NKAIN2: variants seen among roughly 807,000 people sequenced by gnomAD.
The protein encoded by NKAIN2 is sodium/potassium-transporting ATPase subunit beta-1-interacting protein 2.
A neutral mutation model predicts 32.6 loss-of-function variants in NKAIN2; 14 were observed. That is an observed-to-expected ratio of 0.43 (90% CI 0.28 to 0.67). The LOEUF is 0.67. Ranked by LOEUF, NKAIN2 falls within the 30% of genes least tolerant of loss-of-function variation. NKAIN2 has a pLI of 0.17. For synonymous variants in NKAIN2, 80 were observed against 87.2 expected (o/e 0.92, Z 0.46); for missense variants, 198 against 258.3 (o/e 0.77, Z 1.60).
intron 1 of NKAIN2, among the ~76,000 whole-genome samples, chr6:124,076,459 C>G (rs1783700493): frequency 6.6e-6 from 1 of 152,084 alleles, no homozygotes; most frequent in African/African-American, 2.4e-5. Context: ...TTGAAGGTCT[C>G]TATTTTGCTA....
intron 1 of NKAIN2, among the ~76,000 whole-genome samples, chr6:124,236,730 A>C (rs75385606): frequency 2.6e-5 from 4 of 152,048 alleles, no homozygotes; most frequent in Admixed American, 1.3e-4. Flanking sequence ...ATAAAAGGCA[A>C]CTCGGATGGT....
At chr6:124,479,741 C>T (rs959317432) in intron 3 of NKAIN2, among the ~76,000 whole-genome samples, 1 of 151,502 alleles carries the variant, frequency 6.6e-6, no homozygotes, top group Non-Finnish European at 1.5e-5. Context: ...TCGCATACAA[C>T]TTGGGAGCTT....
intron 3 of NKAIN2, among the ~76,000 whole-genome samples, chr6:124,595,708 C>T (rs1211884679): frequency 6.6e-6 from 1 of 152,088 alleles, no homozygotes. Context: ...TAAAACTGAC[C>T]CTCTTTTTGG....
Position 123,907,619 on chromosome 6 carries a change from A to G in NKAIN2, c.54+103365A>G, listed in dbSNP as rs569048496. On this transcript the variant is annotated intron_variant, in intron 1 of 6. Transcript: ENST00000368417. The stretch of plus-strand genomic sequence containing the variant: ...AATTTTAAGTTGTACCATTACTTAT[A>G]TATCACTAAGAAATAAGAAAGACTT... Among the ~76,000 whole-genome samples, 49 of 152,296 alleles carry G rather than the reference A, an allele frequency of 3.2e-4. 1 individual carries two copies. Among genetic ancestry groups the G allele is most frequent in the South Asian group, 8.3e-4 (4 of 4,826 alleles).
chr6:124,351,989 A>G (rs1426833513), intron 2 of NKAIN2, among the ~76,000 whole-genome samples: 1 of 152,186 alleles, frequency 6.6e-6, no homozygotes, highest in Non-Finnish European at 1.5e-5. Flanking sequence ...ATGACAACAT[A>G]TAGTGAAAAT....
At chr6:124,702,767 A>G (rs1774863610) in intron 4 of NKAIN2, among the ~76,000 whole-genome samples, 1 of 152,126 alleles carries the variant, frequency 6.6e-6, no homozygotes, top group African/African-American at 2.4e-5. Context: ...GACATCGGTC[A>G]TTACAATTCC....
At chr6:123,854,316 A>C (rs1775475003) in intron 1 of NKAIN2, among the ~76,000 whole-genome samples, 1 of 152,194 alleles carries the variant, frequency 6.6e-6, no homozygotes, top group South Asian at 2.1e-4. Flanking sequence ...AGACATTTTA[A>C]TTTTTAAAAT....
At chr6:124,193,341 A>G (rs953324601) in intron 1 of NKAIN2, among the ~76,000 whole-genome samples, 1 of 152,298 alleles carries the variant, frequency 6.6e-6, no homozygotes, top group East Asian at 2.0e-4. Flanking sequence ...GCCACTGCCC[A>G]TAGCCAGGTA....
chr6:124,426,622 G>T (rs946466488), intron 3 of NKAIN2, among the ~76,000 whole-genome samples: 1 of 152,140 alleles, frequency 6.6e-6, no homozygotes, highest in Admixed American at 6.6e-5. Flanking sequence ...AATGTACATG[G>T]CTAAAATATT....
intron 1 of NKAIN2, among the ~76,000 whole-genome samples, chr6:123,924,182 G>A (rs1775901927): frequency 6.6e-6 from 1 of 152,148 alleles, no homozygotes; most frequent in African/African-American, 2.4e-5. Context: ...CTATTGGGTA[G>A]GTGATATCAC....
intron 1 of NKAIN2, among the ~76,000 whole-genome samples, chr6:124,054,579 G>A (rs762139615): frequency 6.6e-6 from 1 of 152,006 alleles, no homozygotes; most frequent in Non-Finnish European, 1.5e-5. Context: ...GCACTTCCAT[G>A]GTATTGGCCA....
chr6:124,644,385 G>T (rs1346697181), intron 3 of NKAIN2, among the ~76,000 whole-genome samples: 2 of 149,340 alleles, frequency 1.3e-5, no homozygotes, highest in African/African-American at 4.9e-5. Flanking sequence ...GAGTGTAAAA[G>T]ATTTTGTTTG....
intron 5 of NKAIN2, among the ~76,000 whole-genome samples, chr6:124,809,893 T>A (rs1251500726): frequency 6.6e-6 from 1 of 152,158 alleles, no homozygotes; most frequent in Non-Finnish European, 1.5e-5. Flanking sequence ...ATGCTCACCA[T>A]CACTGGCCAT....
At chr6:124,683,172 G>A (rs538042609) in intron 4 of NKAIN2, among the ~76,000 whole-genome samples, 1 of 152,284 alleles carries the variant, frequency 6.6e-6, no homozygotes, top group East Asian at 1.9e-4. Context: ...AATGAACCAT[G>A]AGTAGAAAGT....
At chr6:124,350,251 C>T (rs547288846) in intron 2 of NKAIN2, among the ~76,000 whole-genome samples, 97 of 152,196 alleles carry the variant, frequency 6.4e-4, no homozygotes, top group African/African-American at 2.2e-3. Flanking sequence ...GATCTTTATA[C>T]TCTTAAATAA....
At chr6:124,597,603 C>T (rs896617971) in intron 3 of NKAIN2, among the ~76,000 whole-genome samples, 1 of 151,984 alleles carries the variant, frequency 6.6e-6, no homozygotes, top group Non-Finnish European at 1.5e-5. Flanking sequence ...GGAATAGCAA[C>T]CAGTAAAACA....
At chr6:124,654,203 C>T (rs1184736560) in intron 3 of NKAIN2, among the ~76,000 whole-genome samples, 1 of 151,938 alleles carries the variant, frequency 6.6e-6, no homozygotes, top group Non-Finnish European at 1.5e-5. Context: ...AAGTGGTTGC[C>T]TTTCAATAGG....
chr6:123,945,022 T>C (rs1444182306), intron 1 of NKAIN2, among the ~76,000 whole-genome samples: 4 of 152,114 alleles, frequency 2.6e-5, no homozygotes, highest in Non-Finnish European at 4.4e-5. Flanking sequence ...GAATATTTTA[T>C]ATATTTGCAC....
At chr6:124,095,741 TG>T (rs1784621931) in intron 1 of NKAIN2, among the ~76,000 whole-genome samples, 1 of 152,198 alleles carries the variant, frequency 6.6e-6, no homozygotes, top group African/African-American at 2.4e-5. Flanking sequence ...CTCTTTTTTA[TG>T]TTATCACTTT....
Sources: gnomAD v4.1 joint callset for allele counts (sites outside exome capture counted in the v4.1 genomes callset) on GRCh38, gnomAD v4.1.1 for gene constraint, MANE v1.5 for transcripts, NCBI Gene and HGNC (gene_info 2026-07-23, HGNC 2026-07-21) for gene names.